BEAN1: variants seen among roughly 807,000 people sequenced by gnomAD.
BEAN1 encodes protein BEAN1.
In BEAN1, 17 loss-of-function variants were observed where a neutral mutation model predicts 17.7. That is an observed-to-expected ratio of 0.96 (90% CI 0.66 to 1.44). The LOEUF (loss-of-function observed/expected upper bound fraction) is 1.44. BEAN1 is among the 40% of genes most tolerant of loss of function. The pLI is 0.00. For synonymous variants in BEAN1, 142 were observed against 151.8 expected, an observed-to-expected ratio of 0.94 and a Z score of 0.47; for missense variants, 359 against 374.1, an observed-to-expected ratio of 0.96 and a Z score of 0.33.
intron 1 of BEAN1, among the ~76,000 whole-genome samples, chr16:66,433,889 A>G (rs972598265): frequency 6.6e-6 from 1 of 152,156 alleles, no homozygotes; most frequent in African/African-American, 2.4e-5. Flanking sequence ...ATCCCCAGAC[A>G]CTGGCGCGTC....
chr16:66,492,674 CA>C (rs1245153833), intron 4 of BEAN1, among the ~76,000 whole-genome samples: 1 of 151,936 alleles, frequency 6.6e-6, no homozygotes, highest in Admixed American at 6.6e-5. Flanking sequence ...CTCCTGACCT[CA>C]GGTGATCCGC....
At chr16:66,480,559 G>A in intron 4 of BEAN1, 27 bp from the exon 5 acceptor site, 1 of 1,488,744 alleles carries the variant, frequency 6.7e-7, no homozygotes, top group Non-Finnish European at 9.1e-7. Flanking sequence ...CCTAGGTGGG[G>A]CACTGAGGGA....
Position 66,473,311 on chromosome 16 carries a change from C to G in BEAN1, c.289+3446C>G, listed in dbSNP as rs143650070. Among the ~76,000 whole-genome samples the G allele has an allele frequency of 7.6e-3, 1,152 of 152,278 alleles. 14 individuals carry two copies. The highest frequency in any genetic ancestry group is 0.026 in the African/African-American group (1,071 of 41,558). On this transcript the variant is annotated intron_variant, in intron 3 of 4. Coordinates refer to ENST00000536005, the MANE Select transcript of BEAN1 (RefSeq NM_001178020.3). The surrounding 1 kb of genome is among the most constrained non-coding windows in gnomAD (Gnocchi z 4.5). Reference sequence around the variant, plus strand: ...CAAGCGGGGTCAGGCCTTGGCTTCCCCACTGCAGCCTGTGGTGGTGGTGAC... The same window carrying G: ...CAAGCGGGGTCAGGCCTTGGCTTCCGCACTGCAGCCTGTGGTGGTGGTGAC...
At chr16:66,463,096 C>T (rs1368908932) in intron 2 of BEAN1, among the ~76,000 whole-genome samples, 1 of 152,184 alleles carries the variant, frequency 6.6e-6, no homozygotes, top group Non-Finnish European at 1.5e-5. Flanking sequence ...ATGAGTAATA[C>T]TCATGAATAT....
chr16:66,481,070 A>G lies in BEAN1; in HGVS notation c.*145A>G, dbSNP rs377013859. On this transcript the variant is annotated 3_prime_UTR_variant, in exon 5 of 5. Coordinates refer to ENST00000536005, the MANE Select transcript of BEAN1 (RefSeq NM_001178020.3). This position sits in a 1 kb window ranked among gnomAD's most constrained non-coding sequence, Gnocchi z 4.1. ...AACTTGTATACACACAGACATCTAC[A>G]CTGACATACCCCATGTACACACACA... The G allele has an allele frequency of 6.2e-6, 4 of 640,888 alleles. No individual in the cohort carries two copies. The highest frequency in any genetic ancestry group is 3.7e-5 in the African/African-American group (2 of 54,468). 39.7% of individuals were successfully genotyped at this position (640,888 alleles called of 1,614,324 possible).
downstream of BEAN1, among the ~76,000 whole-genome samples, chr16:66,494,184 G>A (rs1396078531): frequency 6.6e-6 from 1 of 152,240 alleles, no homozygotes; most frequent in East Asian, 1.9e-4. Context: ...GGAGGTGACT[G>A]CTGGGAGAGG....
intron 4 of BEAN1, among the ~76,000 whole-genome samples, chr16:66,490,527 TAAG>T (rs992076250): frequency 2.6e-5 from 4 of 151,856 alleles, no homozygotes; most frequent in Non-Finnish European, 5.9e-5. Flanking sequence ...AAAACATACC[TAAG>T]AATTGGCCAC....
intron 3 of BEAN1, among the ~76,000 whole-genome samples, chr16:66,470,268 G>C (rs1050838312): frequency 3.3e-5 from 5 of 152,038 alleles, no homozygotes; most frequent in African/African-American, 1.2e-4. Context: ...GGATGGGTGA[G>C]AAGGGAGAAG....
intron 2 of BEAN1, among the ~76,000 whole-genome samples, chr16:66,444,182 C>T (rs1230030303): frequency 6.6e-6 from 1 of 152,172 alleles, no homozygotes; most frequent in Non-Finnish European, 1.5e-5. Flanking sequence ...GGCTGGGTGG[C>T]TCTTCCCCTG....
intron 2 of BEAN1, among the ~76,000 whole-genome samples, chr16:66,454,373 A>G (rs192769337): frequency 2.0e-5 from 3 of 152,238 alleles, no homozygotes; most frequent in South Asian, 2.1e-4. Flanking sequence ...TCTTCTTTCA[A>G]TTCTCCCAGT....
chr16:66,462,375 T>C (rs1169086724), intron 2 of BEAN1, among the ~76,000 whole-genome samples: 1 of 152,134 alleles, frequency 6.6e-6, no homozygotes, highest in Non-Finnish European at 1.5e-5. Flanking sequence ...GAAACTGAAT[T>C]CTAGACTAAT....
chr16:66,488,266 T>C (rs187082277), intron 4 of BEAN1, among the ~76,000 whole-genome samples: 1 of 152,174 alleles, frequency 6.6e-6, no homozygotes, highest in East Asian at 1.9e-4. Flanking sequence ...TGTGGAATTT[T>C]AGCTATTAAC....
chr16:66,442,060 G>A (rs781287945), intron 2 of BEAN1, among the ~76,000 whole-genome samples: 1 of 152,226 alleles, frequency 6.6e-6, no homozygotes, highest in Non-Finnish European at 1.5e-5. Context: ...CCTGACCCAG[G>A]GCAGCCCAGA....
At chr16:66,488,336 A>C (rs2142484991) in intron 4 of BEAN1, among the ~76,000 whole-genome samples, 1 of 152,184 alleles carries the variant, frequency 6.6e-6, no homozygotes, top group East Asian at 1.9e-4. Context: ...CCTGGGGTCG[A>C]AGAATGAGAG....
chr16:66,444,032 G>T (rs1218982925), intron 2 of BEAN1, among the ~76,000 whole-genome samples: 1 of 152,186 alleles, frequency 6.6e-6, no homozygotes, highest in Non-Finnish European at 1.5e-5. Context: ...TGGCAAGAGG[G>T]CATTCAACCT....
At chr16:66,493,536 A>G (rs1433913406), downstream of BEAN1, 5 of 583,778 alleles carry the variant, frequency 8.6e-6, no homozygotes, top group Non-Finnish European at 1.5e-5. Context: ...TGGTTTCCCA[A>G]GGACATTTTC....
rs926176995 is a variant in BEAN1, at chr16:66,429,554, C to G, written c.-83+2123C>G. 2.0e-5 allele frequency among the ~76,000 whole-genome samples: 3 copies of G among 152,244 alleles called. No individual in the cohort carries two copies. In the South Asian group the frequency reaches 6.2e-4, roughly 32 times the overall value. On this transcript the variant is annotated intron_variant, in intron 1 of 4. Transcript: ENST00000536005. ...CCTGTGCTGTGTGGGTGTTCTGGCC[C>G]AGCTGCCCAGAACAGGGATGGGGGA...
chr16:66,490,452 AATAATAAAAT>A (rs1964159138), intron 4 of BEAN1, among the ~76,000 whole-genome samples: 1 of 136,492 alleles, frequency 7.3e-6, no homozygotes, highest in African/African-American at 2.9e-5. Flanking sequence ...AATAAAATAA[AATAATAAAAT>A]AAAAAGAAAC....
chr16:66,465,730 G>C (rs1279934506), intron 2 of BEAN1, among the ~76,000 whole-genome samples: 1 of 152,208 alleles, frequency 6.6e-6, no homozygotes, highest in East Asian at 1.9e-4. Flanking sequence ...TCCGGAAAAA[G>C]AAGCTGAGAA....
Sources: allele counts gnomAD v4.1 joint callset (sites outside exome capture counted in the v4.1 genomes callset), GRCh38; gene constraint gnomAD v4.1.1; non-coding constraint Gnocchi (gnomAD v3.1); transcripts MANE v1.5; gene names NCBI Gene and HGNC (gene_info 2026-07-23, HGNC 2026-07-21).